The following EXOC2 variants were observed in gnomAD, a reference collection of about 807,000 sequenced individuals.
The protein encoded by EXOC2 is exocyst complex component 2, also known as SEC5-like 1.
A neutral mutation model predicts 131.8 loss-of-function variants in EXOC2; 70 were observed. The ratio of observed to expected loss-of-function variants is 0.53; its 90% CI spans 0.44 to 0.65. EXOC2 has a LOEUF of 0.65. EXOC2 is among the 30% of genes least tolerant of loss of function. The pLI, the probability that EXOC2 is intolerant of heterozygous loss-of-function variation, is 0.00. For missense variants in EXOC2, 923 were observed against 1,108.6 expected, an observed-to-expected ratio of 0.83 and a Z score of 2.38; for synonymous variants, 411 against 398.4, an observed-to-expected ratio of 1.03 and a Z score of -0.38.
intron 5 of EXOC2, 120 bp downstream of exon 5, chr6:619,310 C>T (rs1230350961): frequency 3.4e-5 from 23 of 681,828 alleles, no homozygotes; most frequent in Non-Finnish European, 5.2e-5. Context: ...TCAAAGAGCT[C>T]GCAGACCTAA....
At chr6:571,402 A>C (rs372261963) in intron 13 of EXOC2, among the ~76,000 whole-genome samples, 4 of 152,240 alleles carry the variant, frequency 2.6e-5, no homozygotes, top group East Asian at 3.8e-4. Context: ...CCATTCACAT[A>C]AACAAGGCTG....
At chr6:556,262 G>A (rs574581095) in intron 18 of EXOC2, among the ~76,000 whole-genome samples, 1 of 152,252 alleles carries the variant, frequency 6.6e-6, no homozygotes, top group Non-Finnish European at 1.5e-5. Flanking sequence ...TCCACAAAGT[G>A]CTATCACTGT....
At chr6:611,737 A>G (rs1760725344) in intron 6 of EXOC2, among the ~76,000 whole-genome samples, 1 of 152,248 alleles carries the variant, frequency 6.6e-6, no homozygotes, top group Admixed American at 6.5e-5. Flanking sequence ...TAAGTAGAAT[A>G]ACTCAATAAG....
Position 600,707 on chromosome 6 carries a change from C to A in EXOC2, c.743-1482G>T, listed in dbSNP as rs1380869317. Among the ~76,000 whole-genome samples, 5 of 151,738 alleles carry A rather than the reference C, an allele frequency of 3.3e-5. No individual in the cohort carries two copies. The East Asian group carries it at 9.6e-4, about 29-fold the overall frequency. ...TTAACTTCTCTAAAAAGTATGAAAA[C>A]AAGTACAGGAAGAAAACTCACTTAT... On this transcript the variant is annotated intron_variant, in intron 7 of 27. Transcript: ENST00000230449.
At chr6:572,691 G>T in intron 12 of EXOC2, 47 bp from the exon 13 acceptor site, 1 of 1,594,678 alleles carries the variant, frequency 6.3e-7, no homozygotes, top group Non-Finnish European at 8.5e-7. Context: ...TCTGAATCAA[G>T]AAAACACCTT....
chr6:617,468 G>A (rs1300505097), intron 6 of EXOC2, among the ~76,000 whole-genome samples: 3 of 152,230 alleles, frequency 2.0e-5, no homozygotes, highest in Non-Finnish European at 4.4e-5. Context: ...ACATCACAGA[G>A]AGTTAAAGTA....
chr6:494,730 C>T (rs1056824793), intron 25 of EXOC2, among the ~76,000 whole-genome samples: 3 of 152,142 alleles, frequency 2.0e-5, no homozygotes, highest in African/African-American at 4.8e-5. Flanking sequence ...TCCTTCATTT[C>T]GCATAATGCT....
At chr6:517,304 C>G (rs997002190) in intron 23 of EXOC2, among the ~76,000 whole-genome samples, 1 of 152,004 alleles carries the variant, frequency 6.6e-6, no homozygotes, top group African/African-American at 2.4e-5. Context: ...ACCCAGGGCC[C>G]ACCTGAAGAG....
chr6:679,016 A>T (rs191797174), intron 1 of EXOC2: 7 of 152,186 alleles, frequency 4.6e-5, no homozygotes, highest in African/African-American at 7.2e-5. Context: ...TATGTATATT[A>T]AAAAAACTAG....
intron 22 of EXOC2, among the ~76,000 whole-genome samples, chr6:535,307 G>GC (rs1766372263): frequency 6.6e-6 from 1 of 152,144 alleles, no homozygotes; most frequent in Non-Finnish European, 1.5e-5. Flanking sequence ...CGAGGCTGCA[G>GC]CGTGGTATGA....
chr6:638,655 G>A (rs761685207), intron 1 of EXOC2, among the ~76,000 whole-genome samples: 8 of 152,238 alleles, frequency 5.3e-5, no homozygotes, highest in Non-Finnish European at 8.8e-5. Context: ...AAAGTTTGCC[G>A]GGTGCGGTGG....
In EXOC2 at chr6:564,549, C is replaced by T; in HGVS notation, c.1663G>A (p.Val555Ile). ...GQWLAHAIQT[V>I]RLTHESLTAL... is the part of the protein sequence containing the mutation. ...TGAGAATGTGTCCATACTCACCTTA[C>T]AGTCTGGATGGCGTGAGCGAGCCAC... Residue 555 changes from valine (V) to isoleucine (I), a missense_variant, in exon 15 of 28, where the codon GTA (valine) becomes ATA (isoleucine). Coordinates refer to ENST00000230449, the MANE Select transcript of EXOC2 (RefSeq NM_018303.6). 1.9e-6 allele frequency: 3 copies of T among 1,614,160 alleles called. No homozygotes were observed. The highest frequency in any genetic ancestry group is 1.3e-5 in the African/African-American group (1 of 75,056).
Position 632,790 on chromosome 6 carries a change from C to A in EXOC2, c.295+151G>T, listed in dbSNP as rs190751244. 30 of 783,422 alleles carry A rather than the reference C, an allele frequency of 3.8e-5. No individual in the cohort carries two copies. The African/African-American group carries it at 4.9e-4, about 13-fold the overall frequency. 48.5% of individuals were successfully genotyped at this position (783,422 alleles called of 1,614,324 possible). ...TCCCGAAAGTAACACAAATATTAAC[C>A]AACATCCCAATCCTGTCAAAATAAA... On this transcript the variant is annotated intron_variant, in intron 3 of 27. Transcript: ENST00000230449.
intron 1 of EXOC2, among the ~76,000 whole-genome samples, chr6:676,034 C>A (rs1193757297): frequency 2.5e-5 from 3 of 119,922 alleles, no homozygotes; most frequent in Non-Finnish European, 1.8e-5. Flanking sequence ...AACTGCGGTT[C>A]CCCATACTCT....
chr6:553,006 C>T (rs527452934), intron 21 of EXOC2, among the ~76,000 whole-genome samples: 2 of 152,152 alleles, frequency 1.3e-5, no homozygotes, highest in African/African-American at 4.8e-5. Flanking sequence ...CAAGCTTCTC[C>T]TCTTGGGCTG....
chr6:670,236 T>G (rs1428957327), intron 1 of EXOC2: 1 of 152,228 alleles, frequency 6.6e-6, no homozygotes, highest in Non-Finnish European at 1.5e-5. Context: ...AACGTGAGGT[T>G]CAGTTCAGCA....
At chr6:662,606 A>C (rs1169232012) in intron 1 of EXOC2, among the ~76,000 whole-genome samples, 2 of 152,224 alleles carry the variant, frequency 1.3e-5, no homozygotes, top group African/African-American at 4.8e-5. Context: ...TTCAAACTGA[A>C]TGACAATAAT....
rs1201794037 is a variant in EXOC2 at position 669,857 on chromosome 6, G to GT, written c.-44+23161dup. ...TGGAGTCAGGGAGTGGCTGGATGTAGTTTTAGTTCCTCTTCATAGCCCACA... is the reference window on the plus strand; with the variant it reads ...TGGAGTCAGGGAGTGGCTGGATGTAGTTTTTAGTTCCTCTTCATAGCCCACA... On this transcript the variant is annotated intron_variant, in intron 1 of 27. Transcript: ENST00000230449. 2 of 152,320 alleles carry GT rather than the reference G, an allele frequency of 1.3e-5. 1 individual carries two copies. Among genetic ancestry groups the GT allele is most frequent in the Admixed American group, 1.3e-4 (2 of 15,306 alleles). The allele number at this position is 152,320 out of a possible 1,614,324, so 9.4% of individuals were successfully genotyped here. A position where few individuals can be genotyped will look rare whatever the true frequency, so the allele number is the denominator to read the frequency against.
At chr6:526,028 A>G (rs891012198) in intron 23 of EXOC2, among the ~76,000 whole-genome samples, 12 of 152,250 alleles carry the variant, frequency 7.9e-5, no homozygotes, top group Non-Finnish European at 7.3e-5. Context: ...AAATGTTTCA[A>G]TAAACATCAC....
Sources: allele counts gnomAD v4.1 joint callset (sites outside exome capture counted in the v4.1 genomes callset), GRCh38; gene constraint gnomAD v4.1.1; transcripts MANE v1.5; gene names NCBI Gene and HGNC (gene_info 2026-07-23, HGNC 2026-07-21).